Variants in DSCAM observed in about 807,000 individuals in gnomAD.
The protein encoded by DSCAM is cell adhesion molecule DSCAM.
Under a neutral mutation model 217.7 loss-of-function variants are expected in DSCAM, and 47 were observed. The observed-to-expected ratio is 0.22, with a 90% CI of 0.17 to 0.28. DSCAM has a LOEUF of 0.28. Among genes scored for constraint, DSCAM ranks in the 10% least tolerant of loss-of-function variants. DSCAM has a pLI of 1.00. For missense variants in DSCAM, 2,080 were observed against 2,618.3 expected (o/e 0.79, Z 4.49); for synonymous variants, 1,056 against 1,015.3 (o/e 1.04, Z -0.76).
intron 20 of DSCAM, among the ~76,000 whole-genome samples, chr21:40,110,827 C>G (rs1380130242): frequency 6.6e-6 from 1 of 151,800 alleles, no homozygotes; most frequent in Non-Finnish European, 1.5e-5. Flanking sequence ...GATGGAAGAT[C>G]AAATGAATGA....
Position 40,223,105 on chromosome 21 carries a change from C to T in DSCAM, c.2357-33867G>A, listed in dbSNP as rs371447484. Among the ~76,000 whole-genome samples the T allele has an allele frequency of 1.1e-3, 166 of 152,308 alleles. 1 individual carries two copies. Among genetic ancestry groups the T allele is most frequent in the African/African-American group, 3.9e-3 (162 of 41,568 alleles). ...GTGGCCTCTCTTTCCCCTCCTGACA[C>T]CAGGAGACCTGCCCAGCAGCCTGCC... On this transcript the variant is annotated intron_variant, in intron 11 of 32. Coordinates refer to ENST00000400454, the MANE Select transcript of DSCAM (RefSeq NM_001389.5).
chr21:40,529,973 A>G (rs1190247894), intron 3 of DSCAM, among the ~76,000 whole-genome samples: 1 of 152,184 alleles, frequency 6.6e-6, no homozygotes, highest in Non-Finnish European at 1.5e-5. Context: ...AACAATTTCT[A>G]TGTCACAGAT....
At chr21:40,404,749 C>T (rs906334449) in intron 3 of DSCAM, among the ~76,000 whole-genome samples, 1 of 152,176 alleles carries the variant, frequency 6.6e-6, no homozygotes, top group African/African-American at 2.4e-5. Context: ...GTGGTCCCTC[C>T]TTGACTGGAG....
intron 11 of DSCAM, among the ~76,000 whole-genome samples, chr21:40,264,207 GCCAGTAT>G (rs1569030645): frequency 6.6e-6 from 1 of 152,100 alleles, no homozygotes. Flanking sequence ...ATTCTATGAA[GCCAGTAT>G]CCTCATACCA....
chr21:40,357,463 T>C (rs1250174831), intron 4 of DSCAM, among the ~76,000 whole-genome samples: 1 of 152,204 alleles, frequency 6.6e-6, no homozygotes. Flanking sequence ...CACAAAGTTG[T>C]GCCTAAAGCC....
chr21:40,613,612 C>G (rs2146282889), intron 3 of DSCAM, among the ~76,000 whole-genome samples: 1 of 152,130 alleles, frequency 6.6e-6, no homozygotes, highest in African/African-American at 2.4e-5. Context: ...GAATAGAGAT[C>G]CGGATGTAAA....
chr21:40,837,429 C>T (rs1012692294), intron 1 of DSCAM, among the ~76,000 whole-genome samples: 7 of 152,130 alleles, frequency 4.6e-5, no homozygotes, highest in African/African-American at 7.2e-5. Context: ...TAGATCACCT[C>T]GAGGTCCACA....
At chr21:40,656,035 G>A (rs546371394) in intron 3 of DSCAM, among the ~76,000 whole-genome samples, 1 of 152,218 alleles carries the variant, frequency 6.6e-6, no homozygotes, top group Middle Eastern at 3.4e-3. Context: ...TTGGGTGACA[G>A]AGTGAGACAC....
chr21:40,341,439 T>C (rs1388089346), intron 6 of DSCAM, among the ~76,000 whole-genome samples: 2 of 152,242 alleles, frequency 1.3e-5, no homozygotes, highest in Non-Finnish European at 2.9e-5. Context: ...TCAGTTATAC[T>C]TCTCTTTTTG....
At chr21:40,749,130 G>T (rs1486043332) in intron 1 of DSCAM, among the ~76,000 whole-genome samples, 3 of 152,082 alleles carry the variant, frequency 2.0e-5, no homozygotes, top group South Asian at 4.1e-4. Flanking sequence ...ACTACTAGAA[G>T]AAAACATAGA....
At chr21:40,245,794 C>T (rs570804854) in intron 11 of DSCAM, among the ~76,000 whole-genome samples, 3 of 152,260 alleles carry the variant, frequency 2.0e-5, no homozygotes, top group Non-Finnish European at 4.4e-5. Context: ...AAATCAATGA[C>T]GCTTTCATAC....
At chr21:40,563,727 TTTATATGTTTATATATAG>T (rs890742484) in intron 3 of DSCAM, among the ~76,000 whole-genome samples, 1 of 147,260 alleles carries the variant, frequency 6.8e-6, no homozygotes, top group Admixed American at 6.8e-5. Context: ...TTTATATATG[TTTATATGTTTATATATAG>T]TTATATGTTT....
At chr21:40,508,430 T>C (rs907761960) in intron 3 of DSCAM, among the ~76,000 whole-genome samples, 1 of 152,140 alleles carries the variant, frequency 6.6e-6, no homozygotes, top group African/African-American at 2.4e-5. Context: ...CTATTATGTA[T>C]TTCAAATGCA....
intron 11 of DSCAM, among the ~76,000 whole-genome samples, chr21:40,199,169 C>T (rs1012022342): frequency 2.0e-5 from 3 of 152,138 alleles, no homozygotes; most frequent in Non-Finnish European, 2.9e-5. Flanking sequence ...GTGACTAATC[C>T]ACTTGCAATC....
intron 1 of DSCAM, among the ~76,000 whole-genome samples, chr21:40,749,436 G>C (rs567001811): frequency 6.6e-6 from 1 of 152,098 alleles, no homozygotes; most frequent in East Asian, 1.9e-4. Context: ...ATTTTTCAAA[G>C]GAAGACATAC....
intron 1 of DSCAM, among the ~76,000 whole-genome samples, chr21:40,738,894 G>C (rs1403370705): frequency 6.6e-6 from 1 of 152,134 alleles, no homozygotes; most frequent in African/African-American, 2.4e-5. Context: ...GAGTCACACG[G>C]ACAATCCCCA....
chr21:40,552,313 CAA>C (rs34329483), intron 3 of DSCAM, among the ~76,000 whole-genome samples: 21 of 148,466 alleles, frequency 1.4e-4, no homozygotes, highest in African/African-American at 4.0e-4. Context: ...CACTTCGTCT[CAA>C]AAAAAAAAAG....
intron 27 of DSCAM, among the ~76,000 whole-genome samples, chr21:40,069,700 G>A (rs952168962): frequency 6.6e-6 from 1 of 152,070 alleles, no homozygotes; most frequent in African/African-American, 2.4e-5. Context: ...TCCATCAAAA[G>A]GTTTTATTTG....
chr21:40,322,901 C>T (rs540159468), intron 8 of DSCAM, among the ~76,000 whole-genome samples: 71 of 152,252 alleles, frequency 4.7e-4, no homozygotes, highest in African/African-American at 1.5e-3. Context: ...TTGACATCTA[C>T]GTAAGTGGGA....
Sources: allele counts gnomAD v4.1 joint callset (sites outside exome capture counted in the v4.1 genomes callset), GRCh38; gene constraint gnomAD v4.1.1; transcripts MANE v1.5; gene names NCBI Gene and HGNC (gene_info 2026-07-23, HGNC 2026-07-21).